Variants in DNAJC12 observed in about 807,000 individuals in gnomAD.
DNAJC12 encodes dnaJ homolog subfamily C member 12.
DNAJC12 carries 25 observed loss-of-function variants against 28.5 expected under a neutral mutation model. The ratio of observed to expected loss-of-function variants is 0.88; its 90% CI spans 0.64 to 1.22. The LOEUF (loss-of-function observed/expected upper bound fraction) is 1.22, where lower values mean the gene tolerates loss of function less well. Ranked by LOEUF, DNAJC12 falls within the 50% of genes most tolerant of loss-of-function variation. The probability of loss-of-function intolerance (pLI) is 0.00; values close to 1 mark genes in which losing one functional copy is unlikely to be tolerated. For synonymous variants in DNAJC12, 77 were observed against 80.6 expected, an observed-to-expected ratio of 0.95 and a Z score of 0.24; for missense variants, 222 against 231.7, an observed-to-expected ratio of 0.96 and a Z score of 0.27.
intron 1 of DNAJC12, among the ~76,000 whole-genome samples, chr10:67,826,771 GATATATA>G (rs1267932972): frequency 1.4e-5 from 1 of 73,344 alleles, no homozygotes; most frequent in South Asian, 3.7e-4. Context: ...GATATCTAAT[GATATATA>G]ATATATATCA....
rs528106046 is a variant in DNAJC12, at chr10:67,797,649, CA to C, written c.503-440del. 2.9e-3 allele frequency among the ~76,000 whole-genome samples: 448 copies of C among 152,010 alleles called. 3 individuals are homozygous for C. The highest frequency in any genetic ancestry group is 0.01 in the African/African-American group (434 of 41,480). ...TATAATAAACAACATTGTTGAAAACCAGAGGAAAAGAAGGTAATTTTCCTTC... is the reference window on the plus strand; with the variant it reads ...TATAATAAACAACATTGTTGAAAACCGAGGAAAAGAAGGTAATTTTCCTTC... On this transcript the variant is annotated intron_variant, in intron 4 of 4. Transcript: ENST00000225171.
chr10:67,836,683 C>A (rs981365767), intron 1 of DNAJC12, among the ~76,000 whole-genome samples: 1 of 151,982 alleles, frequency 6.6e-6, no homozygotes, highest in Non-Finnish European at 1.5e-5. Context: ...ATTCTGGGGG[C>A]GGGGCAGTTT....
At chr10:67,831,698 T>C (rs1228274228) in intron 1 of DNAJC12, among the ~76,000 whole-genome samples, 3 of 152,230 alleles carry the variant, frequency 2.0e-5, no homozygotes, top group African/African-American at 7.2e-5. Flanking sequence ...TTCCTGTGTA[T>C]TAGCTTTGGC....
At chr10:67,832,031 C>T (rs939708764) in intron 1 of DNAJC12, among the ~76,000 whole-genome samples, 3 of 152,196 alleles carry the variant, frequency 2.0e-5, no homozygotes, top group Admixed American at 1.3e-4. Context: ...TTTGAGAGGC[C>T]GAGGTGGGCA....
intron 4 of DNAJC12, among the ~76,000 whole-genome samples, chr10:67,803,603 C>G (rs185667887): frequency 2.0e-4 from 30 of 152,332 alleles, no homozygotes; most frequent in African/African-American, 6.7e-4. Context: ...GAGGCCTCAG[C>G]ATCATGCCTG....
intron 4 of DNAJC12, among the ~76,000 whole-genome samples, chr10:67,797,909 G>A (rs575857064): frequency 4.1e-4 from 62 of 151,606 alleles, no homozygotes; most frequent in South Asian, 1.5e-3. Context: ...GCGTGGTGGC[G>A]GGCGCCTGTA....
intron 1 of DNAJC12, among the ~76,000 whole-genome samples, chr10:67,837,694 C>T (rs547578945): frequency 6.6e-6 from 1 of 152,120 alleles, no homozygotes; most frequent in Admixed American, 6.5e-5. Context: ...GGCCATGTGC[C>T]AGAATACACA....
intron 1 of DNAJC12, among the ~76,000 whole-genome samples, chr10:67,830,232 G>C (rs886542224): frequency 1.3e-5 from 2 of 151,964 alleles, no homozygotes; most frequent in African/African-American, 2.4e-5. Context: ...AATCGCTTGA[G>C]CCTGGGAGGC....
chr10:67,823,203 G>A (rs1243822658), intron 2 of DNAJC12, 111 bp downstream of exon 2: 11 of 838,370 alleles, frequency 1.3e-5, no homozygotes, highest in East Asian at 5.0e-5. Flanking sequence ...GAAAGAATAC[G>A]GTTGAGCATA....
Position 67,823,880 on chromosome 10 carries a change from G to A in DNAJC12, c.79-488C>T, listed in dbSNP as rs139310186. 4.9e-4 allele frequency among the ~76,000 whole-genome samples: 75 copies of A among 152,092 alleles called. No homozygotes were observed. The East Asian group carries it at 6.6e-3, about 13-fold the overall frequency. On this transcript the variant is annotated intron_variant, in intron 1 of 4. Coordinates refer to ENST00000225171, the MANE Select transcript of DNAJC12 (RefSeq NM_021800.3). ...AATAAACGCTCCTATTGAAATAGTC[G>A]TTGTGATGACAATTTAACTACTTAA...
intron 1 of DNAJC12, among the ~76,000 whole-genome samples, chr10:67,837,241 T>C (rs1842149656): frequency 6.6e-6 from 1 of 152,074 alleles, no homozygotes; most frequent in Non-Finnish European, 1.5e-5. Context: ...TGGAGATTAA[T>C]ATGCCAAAAT....
At chr10:67,799,756 G>T (rs927995802) in intron 4 of DNAJC12, among the ~76,000 whole-genome samples, 2 of 151,744 alleles carry the variant, frequency 1.3e-5, no homozygotes, top group African/African-American at 2.4e-5. Flanking sequence ...GGTAGCACAC[G>T]CCTGTAATCC....
intron 2 of DNAJC12, among the ~76,000 whole-genome samples, chr10:67,815,302 A>G (rs1044606912): frequency 6.6e-6 from 1 of 152,194 alleles, no homozygotes; most frequent in Non-Finnish European, 1.5e-5. Context: ...TGAGGTCAGG[A>G]GTTCAAGACC....
At chr10:67,815,178 T>C (rs1350635235) in intron 2 of DNAJC12, among the ~76,000 whole-genome samples, 1 of 152,200 alleles carries the variant, frequency 6.6e-6, no homozygotes, top group Non-Finnish European at 1.5e-5. Context: ...AGGAATGAAA[T>C]GTTGATATGT....
chr10:67,814,813 C>A (rs1841897576), intron 2 of DNAJC12, among the ~76,000 whole-genome samples: 1 of 152,082 alleles, frequency 6.6e-6, no homozygotes, highest in African/African-American at 2.4e-5. Flanking sequence ...TAGTGAGATA[C>A]CACTTTATAC....
At chr10:67,835,717 GACACACAC>G (rs34238470) in intron 1 of DNAJC12, among the ~76,000 whole-genome samples, 5 of 119,070 alleles carry the variant, frequency 4.2e-5, no homozygotes, top group East Asian at 4.2e-4. Flanking sequence ...GAGAAAAAAT[GACACACAC>G]ACACACACAC....
In DNAJC12 at chr10:67,797,864, C is replaced by A. The variant is rs986904134; in HGVS notation, c.503-654G>T. Among the ~76,000 whole-genome samples, 49 of 152,022 alleles carry A rather than the reference C, an allele frequency of 3.2e-4. 1 individual carries two copies. Among genetic ancestry groups the A allele is most frequent in the Admixed American group, 2.1e-3 (32 of 15,270 alleles). On this transcript the variant is annotated intron_variant, in intron 4 of 4. Coordinates refer to ENST00000225171, the MANE Select transcript of DNAJC12 (RefSeq NM_021800.3). ...GACCATCCTGGCTAACACGGTGAAA[C>A]CCCGTCTCTACTAAAAATACAAAAA...
intron 2 of DNAJC12, among the ~76,000 whole-genome samples, chr10:67,813,916 A>AC (rs1026440545): frequency 6.6e-6 from 1 of 151,866 alleles, no homozygotes; most frequent in East Asian, 1.9e-4. Context: ...AAATGATAAT[A>AC]CCCCCCAAAC....
intron 2 of DNAJC12, among the ~76,000 whole-genome samples, chr10:67,813,324 C>A (rs1212868092): frequency 6.6e-6 from 1 of 151,878 alleles, no homozygotes; most frequent in Non-Finnish European, 1.5e-5. Flanking sequence ...GATCACACCA[C>A]TGCACTCCAG....
Sources: allele counts gnomAD v4.1 joint callset (sites outside exome capture counted in the v4.1 genomes callset), GRCh38; gene constraint gnomAD v4.1.1; transcripts MANE v1.5; gene names NCBI Gene and HGNC (gene_info 2026-07-23, HGNC 2026-07-21).